The following FAM13A variants were observed in gnomAD, a reference collection of about 807,000 sequenced individuals.
FAM13A encodes the protein family with sequence similarity 13 member A, also known as protein FAM13A.
A neutral mutation model predicts 129.6 loss-of-function variants in FAM13A; 76 were observed. That is an observed-to-expected ratio of 0.59 (90% CI 0.49 to 0.71). FAM13A has a LOEUF of 0.71. Ranked by LOEUF, FAM13A falls within the 30% of genes least tolerant of loss-of-function variation. The pLI is 0.00. For synonymous variants in FAM13A, 443 were observed against 449.9 expected, an observed-to-expected ratio of 0.98 and a Z score of 0.20; for missense variants, 1,108 against 1,249.3, an observed-to-expected ratio of 0.89 and a Z score of 1.70.
rs1443153728 is a variant in FAM13A, at chr4:88,931,654, G to A, written c.759+6434C>T. Reference sequence around the variant, plus strand: ...TCAGCCATCTTGATCTCAACTCTATGATCTGTCATGCTATTTAATCATTGC... The same window carrying A: ...TCAGCCATCTTGATCTCAACTCTATAATCTGTCATGCTATTTAATCATTGC... On this transcript the variant is annotated intron_variant, in intron 5 of 23. Transcript: ENST00000264344. 2.0e-5 allele frequency among the ~76,000 whole-genome samples: 3 copies of A among 152,110 alleles called. No homozygotes were observed. In the East Asian group the frequency reaches 5.8e-4, roughly 29 times the overall value.
intron 2 of FAM13A, 61 bp from the exon 3 acceptor site, chr4:89,020,730 AATG>A: frequency 2.8e-6 from 3 of 1,071,802 alleles, no homozygotes; most frequent in Non-Finnish European, 4.3e-6. Flanking sequence ...AAACGTAAAG[AATG>A]ATAACAACAC....
intron 8 of FAM13A, among the ~76,000 whole-genome samples, chr4:88,791,646 G>A (rs2149679802): frequency 6.6e-6 from 1 of 152,170 alleles, no homozygotes; most frequent in South Asian, 2.1e-4. Context: ...TCTTTGTAGA[G>A]ACATTCAAAG....
In FAM13A at chr4:89,004,984, T is replaced by C. The variant is rs1190862623; in HGVS notation, c.428-13834A>G. 9.0e-5 allele frequency among the ~76,000 whole-genome samples: 3 copies of C among 33,212 alleles called. No individual in the cohort carries two copies. The East Asian group carries it at 2.0e-3, about 23-fold the overall frequency. The allele number at this position is 33,212 out of a possible 152,430, so 21.8% of individuals were successfully genotyped here. A position where few individuals can be genotyped will look rare whatever the true frequency, so the allele number is the denominator to read the frequency against. Reference sequence around the variant, plus strand: ...ACATAGGTAAACTCATGTCATGGTTTTTTTTTTGGTACAGATTATTTAGTC... The same window carrying C: ...ACATAGGTAAACTCATGTCATGGTTCTTTTTTTGGTACAGATTATTTAGTC... On this transcript the variant is annotated intron_variant, in intron 3 of 23. Coordinates refer to ENST00000264344, the MANE Select transcript of FAM13A (RefSeq NM_014883.4).
At chr4:88,820,089 C>T (rs929863987) in intron 7 of FAM13A, among the ~76,000 whole-genome samples, 3 of 152,200 alleles carry the variant, frequency 2.0e-5, no homozygotes, top group African/African-American at 7.2e-5. Context: ...CTGTCATTCT[C>T]ATCTTGGCTA....
At chr4:89,004,622 A>G (rs1764745680) in intron 3 of FAM13A, among the ~76,000 whole-genome samples, 1 of 152,200 alleles carries the variant, frequency 6.6e-6, no homozygotes, top group South Asian at 2.1e-4. Context: ...TCTTTTGTAA[A>G]TATTCGAAAA....
chr4:88,895,345 A>G (rs1746101746), intron 6 of FAM13A, among the ~76,000 whole-genome samples: 1 of 152,174 alleles, frequency 6.6e-6, no homozygotes. Flanking sequence ...TGATTTTAAA[A>G]TAACTTGGAA....
chr4:88,787,306 G>A (rs1411913785), intron 10 of FAM13A, among the ~76,000 whole-genome samples: 1 of 152,062 alleles, frequency 6.6e-6, no homozygotes, highest in East Asian at 1.9e-4. Context: ...AAATGTCAGA[G>A]TATTATAGGG....
chr4:88,934,888 G>A (rs1392117400), intron 5 of FAM13A, among the ~76,000 whole-genome samples: 1 of 152,118 alleles, frequency 6.6e-6, no homozygotes, highest in Non-Finnish European at 1.5e-5. Context: ...AATGTCACAG[G>A]GCTAAGAGGT....
intron 4 of FAM13A, among the ~76,000 whole-genome samples, chr4:88,979,543 C>G (rs932444491): frequency 6.6e-6 from 1 of 152,010 alleles, no homozygotes. Context: ...AGTTTCCTCA[C>G]GTGAAGAGAT....
chr4:88,742,562 A>G (rs907773521), intron 19 of FAM13A, among the ~76,000 whole-genome samples: 2 of 152,178 alleles, frequency 1.3e-5, no homozygotes, highest in Non-Finnish European at 2.9e-5. Context: ...CATTTTCATA[A>G]TATATATTTG....
intron 13 of FAM13A, among the ~76,000 whole-genome samples, chr4:88,760,849 G>A (rs1294705101): frequency 2.0e-5 from 3 of 151,824 alleles, no homozygotes; most frequent in Non-Finnish European, 4.4e-5. Context: ...TGCGGGGGAG[G>A]GGTCGTGGGC....
chr4:89,033,730 T>C (rs1768999998), intron 1 of FAM13A, among the ~76,000 whole-genome samples: 1 of 152,196 alleles, frequency 6.6e-6, no homozygotes, highest in Admixed American at 6.5e-5. Flanking sequence ...TTCAGGAGCC[T>C]TGAGTTTTTA....
intron 5 of FAM13A, among the ~76,000 whole-genome samples, chr4:88,912,197 C>T (rs1416729752): frequency 1.5e-5 from 2 of 132,472 alleles, no homozygotes; most frequent in African/African-American, 5.7e-5. Context: ...CTGGAAGAGG[C>T]TGGTATTTGA....
At chr4:88,886,601 AAAAG>A (rs941981403) in intron 6 of FAM13A, among the ~76,000 whole-genome samples, 94 of 151,420 alleles carry the variant, frequency 6.2e-4, no homozygotes, top group African/African-American at 2.1e-3. Flanking sequence ...AAAGAAAAAA[AAAAG>A]AAAGAAATTA....
intron 7 of FAM13A, among the ~76,000 whole-genome samples, chr4:88,838,950 C>A (rs1050060840): frequency 9.9e-5 from 15 of 152,018 alleles, no homozygotes; most frequent in Non-Finnish European, 2.1e-4. Flanking sequence ...CTGTTCACAG[C>A]ATTTTTTCAT....
At chr4:88,946,155 T>C (rs1755811653) in intron 4 of FAM13A, among the ~76,000 whole-genome samples, 1 of 150,660 alleles carries the variant, frequency 6.6e-6, no homozygotes, top group African/African-American at 2.4e-5. Context: ...TCCTTTTCTT[T>C]CTTTGTTCTA....
chr4:89,010,268 G>A (rs575405766), intron 3 of FAM13A, among the ~76,000 whole-genome samples: 46 of 152,204 alleles, frequency 3.0e-4, no homozygotes, highest in African/African-American at 1.0e-3. Context: ...CCATTCCTTT[G>A]GAGTCTGTGT....
chr4:88,822,864 T>C (rs927981700), intron 7 of FAM13A: 1 of 1,485,526 alleles, frequency 6.7e-7, no homozygotes, highest in Non-Finnish European at 9.0e-7. Context: ...TACAACGGAC[T>C]CTACACACTT....
At chr4:88,888,251 G>T (rs1430300781) in intron 6 of FAM13A, among the ~76,000 whole-genome samples, 1 of 152,074 alleles carries the variant, frequency 6.6e-6, no homozygotes, top group African/African-American at 2.4e-5. Flanking sequence ...CAGCACATAT[G>T]GTTTATTCTG....
Sources: allele counts gnomAD v4.1 joint callset (sites outside exome capture counted in the v4.1 genomes callset), GRCh38; gene constraint gnomAD v4.1.1; transcripts MANE v1.5; gene names NCBI Gene and HGNC (gene_info 2026-07-23, HGNC 2026-07-21).